Variants in TMEM200A observed in about 807,000 individuals in gnomAD.
TMEM200A encodes the protein transmembrane protein 200A.
Under a neutral mutation model 24.3 loss-of-function variants are expected in TMEM200A, and 12 were observed. The observed-to-expected ratio is 0.49, with a 90% CI of 0.32 to 0.80. TMEM200A has a LOEUF of 0.80. TMEM200A is among the 30% of genes least tolerant of loss of function. The pLI, the probability that TMEM200A is intolerant of heterozygous loss-of-function variation, is 0.04. For synonymous variants in TMEM200A, 224 were observed against 224.4 expected (o/e 1.00, Z 0.02); for missense variants, 545 against 614.4 (o/e 0.89, Z 1.19).
chr6:130,430,933 G>A (rs1160751937), intron 2 of TMEM200A, among the ~76,000 whole-genome samples: 1 of 152,158 alleles, frequency 6.6e-6, no homozygotes, highest in African/African-American at 2.4e-5. Flanking sequence ...TTAATGTACA[G>A]TATATTAGTC....
chr6:130,432,449 C>G (rs1018110740), intron 2 of TMEM200A, among the ~76,000 whole-genome samples: 3 of 152,134 alleles, frequency 2.0e-5, no homozygotes, highest in African/African-American at 7.2e-5. Context: ...TTCAGCTGTT[C>G]TTTTTAACTT....
At chr6:130,375,776 G>A (rs1447856228) in intron 1 of TMEM200A, among the ~76,000 whole-genome samples, 2 of 152,138 alleles carry the variant, frequency 1.3e-5, no homozygotes, top group Non-Finnish European at 2.9e-5. Flanking sequence ...GGAGCATGAT[G>A]TTTGAGGTCA....
At chr6:130,393,485 G>A (rs964072452) in intron 2 of TMEM200A, among the ~76,000 whole-genome samples, 2 of 151,788 alleles carry the variant, frequency 1.3e-5, no homozygotes, top group Admixed American at 1.3e-4. Flanking sequence ...ATGGGCAGAC[G>A]TGTTACATCA....
At chr6:130,377,211 G>C (rs1778479294) in intron 1 of TMEM200A, among the ~76,000 whole-genome samples, 1 of 152,176 alleles carries the variant, frequency 6.6e-6, no homozygotes, top group Admixed American at 6.5e-5. Flanking sequence ...CTGAGTCTAC[G>C]TTGGGGTGGC....
At chr6:130,388,289 CAG>C (rs1202029317) in intron 2 of TMEM200A, among the ~76,000 whole-genome samples, 1 of 152,178 alleles carries the variant, frequency 6.6e-6, no homozygotes, top group African/African-American at 2.4e-5. Flanking sequence ...CTGTAGGACT[CAG>C]ATATCTACTT....
chr6:130,384,686 C>T (rs747506454), intron 1 of TMEM200A, among the ~76,000 whole-genome samples: 4 of 152,176 alleles, frequency 2.6e-5, no homozygotes, highest in Admixed American at 1.3e-4. Context: ...TTTGTAGTTT[C>T]CTTGATTCAG....
chr6:130,440,331 G>C, intron 2 of TMEM200A, 76 bp from the exon 3 acceptor site: 1 of 1,395,002 alleles, frequency 7.2e-7, no homozygotes, highest in African/African-American at 1.4e-5. Context: ...TGTGTAAACA[G>C]TTGTTTAATT....
Position 130,366,704 on chromosome 6 carries a change from G to C in TMEM200A, c.-81+180G>C, listed in dbSNP as rs113036434. Among the ~76,000 whole-genome samples the C allele has an allele frequency of 7.9e-5, 12 of 152,290 alleles. No individual in the cohort carries two copies. Among genetic ancestry groups the C allele is most frequent in the African/African-American group, 2.6e-4 (11 of 41,570 alleles). On this transcript the variant is annotated intron_variant, in intron 1 of 2. Coordinates refer to ENST00000296978, the MANE Select transcript of TMEM200A (RefSeq NM_001258277.2). This position sits in a 1 kb window ranked among gnomAD's most constrained non-coding sequence, Gnocchi z 4.4. ...TAAACCAAGTCCGCCATCAGGTCCA[G>C]ACTCCCCAGTCCCGGGAGCGCGAGA...
At chr6:130,382,466 C>T (rs1190399120) in intron 1 of TMEM200A, among the ~76,000 whole-genome samples, 1 of 152,180 alleles carries the variant, frequency 6.6e-6, no homozygotes, top group African/African-American at 2.4e-5. Context: ...GCATCTCTTT[C>T]GTGGAGTCTT....
intron 2 of TMEM200A, among the ~76,000 whole-genome samples, chr6:130,429,789 A>G (rs2115205684): frequency 6.6e-6 from 1 of 152,318 alleles, no homozygotes; most frequent in Middle Eastern, 3.4e-3. Context: ...TCTGTATGCT[A>G]AAAGATACAA....
At chr6:130,374,438 A>G (rs1778397967) in intron 1 of TMEM200A, among the ~76,000 whole-genome samples, 1 of 149,392 alleles carries the variant, frequency 6.7e-6, no homozygotes, top group African/African-American at 2.5e-5. Context: ...TTTCAGACGG[A>G]GTCTCGCTCT....
At chr6:130,403,571 GA>G (rs11301165) in intron 2 of TMEM200A, among the ~76,000 whole-genome samples, 46,538 of 151,586 alleles carry the variant, frequency 0.31, 10,350 homozygotes, top group African/African-American at 0.63. Context: ...TTTTTACAGT[GA>G]AAAAAGCCTG....
At chr6:130,427,461 A>T (rs1779771495) in intron 2 of TMEM200A, among the ~76,000 whole-genome samples, 1 of 152,148 alleles carries the variant, frequency 6.6e-6, no homozygotes, top group African/African-American at 2.4e-5. Flanking sequence ...ATTTGTTTCC[A>T]AGTTGTTGCC....
At chr6:130,404,353 T>G (rs1779157771) in intron 2 of TMEM200A, among the ~76,000 whole-genome samples, 1 of 152,198 alleles carries the variant, frequency 6.6e-6, no homozygotes, top group African/African-American at 2.4e-5. Context: ...TTTTTTGACT[T>G]TTTAATGATA....
At chr6:130,435,344 G>C (rs1779976823) in intron 2 of TMEM200A, among the ~76,000 whole-genome samples, 1 of 152,052 alleles carries the variant, frequency 6.6e-6, no homozygotes, top group Admixed American at 6.6e-5. Flanking sequence ...GAAGAATATG[G>C]AAACATTAAG....
chr6:130,412,901 G>C (rs1043154859), intron 2 of TMEM200A, among the ~76,000 whole-genome samples: 2 of 152,168 alleles, frequency 1.3e-5, no homozygotes, highest in African/African-American at 4.8e-5. Flanking sequence ...TTAATGTGAA[G>C]ATACATATTT....
At chr6:130,370,556 A>G (rs1264706346) in intron 1 of TMEM200A, among the ~76,000 whole-genome samples, 4 of 152,220 alleles carry the variant, frequency 2.6e-5, no homozygotes, top group Admixed American at 1.3e-4. Context: ...AGCCCTCTGC[A>G]CAATGATCTG....
At chr6:130,365,920 C>T (rs145247383), upstream of TMEM200A, 4 of 985,462 alleles carry the variant, frequency 4.1e-6, no homozygotes, top group Non-Finnish European at 4.8e-6. Flanking sequence ...GGTCCGGGGT[C>T]GCAGGCGCGC....
intron 2 of TMEM200A, among the ~76,000 whole-genome samples, chr6:130,433,272 G>A (rs1779922437): frequency 6.6e-6 from 1 of 151,882 alleles, no homozygotes; most frequent in Non-Finnish European, 1.5e-5. Flanking sequence ...GAGTAGCTGG[G>A]ATTACAGATG....
Sources: allele counts gnomAD v4.1 joint callset (sites outside exome capture counted in the v4.1 genomes callset), GRCh38; gene constraint gnomAD v4.1.1; non-coding constraint Gnocchi (gnomAD v3.1); transcripts MANE v1.5; gene names NCBI Gene and HGNC (gene_info 2026-07-23, HGNC 2026-07-21).